Variants in TOP6BL observed in about 807,000 individuals in gnomAD.
TOP6BL encodes type 2 DNA topoisomerase 6 subunit B-like.
chr11:66,758,699 C>A, the TOP6BL span, among the ~76,000 whole-genome samples: 1 of 152,106 alleles, frequency 6.6e-6, no homozygotes, highest in Non-Finnish European at 1.5e-5. Flanking sequence ...GTTATTGACA[C>A]GATATATTCT....
the TOP6BL span, among the ~76,000 whole-genome samples, chr11:66,751,694 G>C: frequency 6.6e-6 from 1 of 151,990 alleles, no homozygotes; most frequent in African/African-American, 2.4e-5. Context: ...TTCCACCATA[G>C]AGGATGATGG....
the TOP6BL span, among the ~76,000 whole-genome samples, chr11:66,777,349 T>A: frequency 6.6e-6 from 1 of 152,114 alleles, no homozygotes; most frequent in Non-Finnish European, 1.5e-5. Flanking sequence ...TGAACAAGTT[T>A]TTGATCTTTT....
the TOP6BL span, among the ~76,000 whole-genome samples, chr11:66,802,851 A>G: frequency 1.3e-5 from 2 of 152,202 alleles, no homozygotes; most frequent in African/African-American, 2.4e-5. Flanking sequence ...TCATCATCAT[A>G]GTTGTACTGA....
the TOP6BL span, among the ~76,000 whole-genome samples, chr11:66,804,609 T>C: frequency 6.6e-6 from 1 of 152,168 alleles, no homozygotes; most frequent in African/African-American, 2.4e-5. Context: ...TTAGTAATAC[T>C]AAGTAAATAA....
chr11:66,839,804 T>A, the TOP6BL span, among the ~76,000 whole-genome samples: 1 of 152,014 alleles, frequency 6.6e-6, no homozygotes. Flanking sequence ...AGGAAAAAAA[T>A]TAACATTTAA....
At chr11:66,754,896 A>G in the TOP6BL span, among the ~76,000 whole-genome samples, 3 of 152,164 alleles carry the variant, frequency 2.0e-5, no homozygotes, top group African/African-American at 7.2e-5. Context: ...TGAGTGGAGG[A>G]GGGAATCTAA....
the TOP6BL span, among the ~76,000 whole-genome samples, chr11:66,785,987 A>G: frequency 6.6e-6 from 1 of 152,118 alleles, no homozygotes. Context: ...ACACCTTTCC[A>G]TTTCTGGTCT....
At chr11:66,796,334 T>G in the TOP6BL span, 3 of 1,611,090 alleles carry the variant, frequency 1.9e-6, no homozygotes, top group Non-Finnish European at 1.7e-6. Context: ...TAAAGCATTT[T>G]TTACGTAAAA....
At chr11:66,756,944 C>G in the TOP6BL span, among the ~76,000 whole-genome samples, 1 of 149,362 alleles carries the variant, frequency 6.7e-6, no homozygotes, top group Non-Finnish European at 1.5e-5. Context: ...TTCCTGAGCT[C>G]AAAATATCTA....
chr11:66,761,717 T>C, the TOP6BL span: 1 of 796,798 alleles, frequency 1.3e-6, no homozygotes. Flanking sequence ...TAGGTGGTCA[T>C]ATAAGGCCCA....
chr11:66,834,267 G>C, the TOP6BL span, among the ~76,000 whole-genome samples: 2 of 152,130 alleles, frequency 1.3e-5, no homozygotes. Flanking sequence ...TTTGTACCGA[G>C]AGCTCCCGGC....
the TOP6BL span, among the ~76,000 whole-genome samples, chr11:66,769,497 A>G: frequency 1.3e-5 from 2 of 151,890 alleles, no homozygotes; most frequent in Admixed American, 1.3e-4. Context: ...AAAACTCAGA[A>G]AAAAAAGGTG....
chr11:66,794,045 G>A, the TOP6BL span, among the ~76,000 whole-genome samples: 4 of 148,742 alleles, frequency 2.7e-5, no homozygotes, highest in Non-Finnish European at 5.9e-5. Flanking sequence ...CCAGAAGTTC[G>A]AGGTTACAGT....
chr11:66,745,427 C>T, the TOP6BL span, among the ~76,000 whole-genome samples: 1 of 152,116 alleles, frequency 6.6e-6, no homozygotes, highest in Non-Finnish European at 1.5e-5. Flanking sequence ...TTCGAAGCAG[C>T]TGGACGTGGA....
the TOP6BL span, among the ~76,000 whole-genome samples, chr11:66,833,268 C>T: frequency 3.3e-5 from 5 of 151,906 alleles, no homozygotes; most frequent in Admixed American, 3.3e-4. Flanking sequence ...AGGCTGGTCT[C>T]GAACTCCTAG....
the TOP6BL span, among the ~76,000 whole-genome samples, chr11:66,819,904 TAAAAAAAAAA>T: frequency 4.2e-5 from 5 of 119,772 alleles, no homozygotes; most frequent in African/African-American, 1.3e-4. Flanking sequence ...ACTCTTGTCT[TAAAAAAAAAA>T]AAAAAAAAAA....
chr11:66,842,963 G>C, the TOP6BL span: 1 of 1,551,930 alleles, frequency 6.4e-7, no homozygotes, highest in Non-Finnish European at 8.7e-7. Context: ...GCCCCGCGCC[G>C]CCCGGAAGCC....
the TOP6BL span, among the ~76,000 whole-genome samples, chr11:66,777,081 A>ATATATCTATATATCTATATCTATATATC: frequency 4.7e-5 from 7 of 149,184 alleles, no homozygotes; most frequent in African/African-American, 7.3e-5. Context: ...CTATATCTAT[A>ATATATCTATATATCTATATCTATATATC]TATATCTATA....
chr11:66,830,974 CGAAA>C, the TOP6BL span, among the ~76,000 whole-genome samples: 1 of 151,886 alleles, frequency 6.6e-6, no homozygotes, highest in Non-Finnish European at 1.5e-5. Context: ...ACACACTTCA[CGAAA>C]GAAGCTACAG....
Sources: allele counts gnomAD v4.1 joint callset (sites outside exome capture counted in the v4.1 genomes callset), GRCh38; gene constraint gnomAD v4.1.1; transcripts MANE v1.5; gene names NCBI Gene and HGNC (gene_info 2026-07-23, HGNC 2026-07-21).